The following SORBS2 variants were observed in gnomAD, a reference collection of about 807,000 sequenced individuals.
SORBS2 encodes sorbin and SH3 domain-containing protein 2.
In SORBS2, 46 loss-of-function variants were observed where a neutral mutation model predicts 97.7. The ratio of observed to expected loss-of-function variants is 0.47; its 90% CI spans 0.37 to 0.60. The LOEUF (loss-of-function observed/expected upper bound fraction) is 0.60. Among genes scored for constraint, SORBS2 ranks in the 20% least tolerant of loss-of-function variants. The pLI is 0.00. For missense variants in SORBS2, 1,316 were observed against 1,282.3 expected (o/e 1.03, Z -0.40); for synonymous variants, 476 against 473.4 (o/e 1.01, Z -0.07).
chr4:185,857,917 C>G (rs1199260566), intron 1 of SORBS2, among the ~76,000 whole-genome samples: 1 of 152,176 alleles, frequency 6.6e-6, no homozygotes, highest in Non-Finnish European at 1.5e-5. Context: ...CATGGACCCT[C>G]ATCAGTAATT....
intron 2 of SORBS2, among the ~76,000 whole-genome samples, chr4:185,751,691 T>G (rs2098801434): frequency 1.3e-5 from 2 of 151,848 alleles, no homozygotes; most frequent in African/African-American, 2.4e-5. Flanking sequence ...GGCTAGGGCA[T>G]CAGAGGGGAG....
chr4:185,865,298 C>A (rs544228708), intron 1 of SORBS2, among the ~76,000 whole-genome samples: 1 of 152,130 alleles, frequency 6.6e-6, no homozygotes, highest in Non-Finnish European at 1.5e-5. Context: ...GAACAAGGGG[C>A]GGGAATTTCA....
chr4:185,793,711 T>A (rs1269073369), intron 1 of SORBS2, among the ~76,000 whole-genome samples: 1 of 151,572 alleles, frequency 6.6e-6, no homozygotes, highest in South Asian at 2.1e-4. Flanking sequence ...CTCTGGGGAT[T>A]TTTTTTATTG....
chr4:185,600,056 C>G (rs1205788354), intron 12 of SORBS2, among the ~76,000 whole-genome samples: 2 of 152,246 alleles, frequency 1.3e-5, no homozygotes, highest in Admixed American at 6.5e-5. Context: ...TTACGTCAGC[C>G]TGGAAAATGT....
chr4:185,754,666 A>G (rs1489354794), intron 2 of SORBS2, among the ~76,000 whole-genome samples: 1 of 152,164 alleles, frequency 6.6e-6, no homozygotes, highest in East Asian at 1.9e-4. Context: ...ACAATGGAAA[A>G]TGGAATATCC....
At chr4:185,792,793 C>A (rs577291442) in intron 1 of SORBS2, among the ~76,000 whole-genome samples, 1 of 152,200 alleles carries the variant, frequency 6.6e-6, no homozygotes, top group African/African-American at 2.4e-5. Context: ...AGAAATGTAA[C>A]ATTTTCTTTT....
chr4:185,774,324 C>T (rs1250495951), intron 2 of SORBS2: 1 of 152,040 alleles, frequency 6.6e-6, no homozygotes, highest in Non-Finnish European at 1.5e-5. Context: ...AATTGGGGGT[C>T]CCTCTAGAAG....
At position 185,648,361 on chromosome 4, in the gene SORBS2, G is replaced by A. The variant is rs150692980; in HGVS notation, c.281+1106C>T. 3.8e-3 allele frequency among the ~76,000 whole-genome samples: 576 copies of A among 152,120 alleles called. 8 individuals carry two copies. Among genetic ancestry groups the A allele is most frequent in the African/African-American group, 0.013 (550 of 41,522 alleles). On this transcript the variant is annotated intron_variant, in intron 3 of 14. Coordinates refer to ENST00000418609, the Ensembl canonical transcript of SORBS2. ...GAAACACCATACAAAAATTAGCCGG[G>A]CGTGGTGGCTGGTGCCTGTAATCCC...
intron 1 of SORBS2, among the ~76,000 whole-genome samples, chr4:185,892,987 G>GA (rs201090280): frequency 0.014 from 2,064 of 152,160 alleles, 17 homozygotes; most frequent in Non-Finnish European, 0.022. Flanking sequence ...TTATAGCCTT[G>GA]AAAAAAACAA....
intron 1 of SORBS2, among the ~76,000 whole-genome samples, chr4:185,901,604 A>T (rs982728117): frequency 3.9e-5 from 6 of 152,242 alleles, no homozygotes; most frequent in Non-Finnish European, 8.8e-5. Flanking sequence ...AATCACCCAA[A>T]TACTCATGTC....
At chr4:185,940,218 CAT>C (rs1032895077) in intron 1 of SORBS2, among the ~76,000 whole-genome samples, 1 of 152,160 alleles carries the variant, frequency 6.6e-6, no homozygotes, top group African/African-American at 2.4e-5. Flanking sequence ...AGCTCCCAAA[CAT>C]ATATCTCCAG....
intron 1 of SORBS2, among the ~76,000 whole-genome samples, chr4:185,791,595 G>A (rs952323805): frequency 1.3e-5 from 2 of 151,924 alleles, no homozygotes; most frequent in African/African-American, 4.8e-5. Context: ...TACTCTAAGT[G>A]CCTCGGGTGA....
chr4:185,714,815 C>T (rs916825004), intron 2 of SORBS2, among the ~76,000 whole-genome samples: 1 of 152,194 alleles, frequency 6.6e-6, no homozygotes. Context: ...CCAATTATCT[C>T]CACCTGGCCC....
At chr4:185,643,260 T>C (rs2097156652) in intron 4 of SORBS2, among the ~76,000 whole-genome samples, 1 of 151,944 alleles carries the variant, frequency 6.6e-6, no homozygotes, top group East Asian at 1.9e-4. Context: ...GAAGAGGTGG[T>C]GGGGAGAGCT....
intron 2 of SORBS2, among the ~76,000 whole-genome samples, chr4:185,731,579 C>CCTCTCTCCCTCCCTCCCTGCCTAT (rs2098630075): frequency 2.2e-5 from 2 of 90,116 alleles, no homozygotes; most frequent in African/African-American, 9.5e-5. Context: ...TCTCTCCTTC[C>CCTCTCTCCCTCCCTCCCTGCCTAT]CTCTCTCCCT....
rs76427032 is a variant in SORBS2, at chr4:185,899,762, G to A, written c.-338+56434C>T. Reference sequence around the variant, plus strand: ...TGGGGGAGCCAAGTGTTACAGTAGAGCCCAACGAGTATTATACCTTCAGGC... The same window carrying A: ...TGGGGGAGCCAAGTGTTACAGTAGAACCCAACGAGTATTATACCTTCAGGC... On this transcript the variant is annotated intron_variant, in intron 1 of 20. Transcript: ENST00000284776. Among the ~76,000 whole-genome samples the A allele has an allele frequency of 1.5e-3, 231 of 152,316 alleles. 6 individuals are homozygous for A. In the East Asian group the frequency reaches 0.039, roughly 26 times the overall value.
intron 1 of SORBS2, among the ~76,000 whole-genome samples, chr4:185,826,239 C>T (rs2099199666): frequency 1.3e-5 from 2 of 152,150 alleles, no homozygotes; most frequent in Admixed American, 1.3e-4. Flanking sequence ...ATTTTCTCCA[C>T]AGTTTTTCTT....
chr4:185,847,006 T>A (rs1347971232), intron 1 of SORBS2, among the ~76,000 whole-genome samples: 1 of 152,204 alleles, frequency 6.6e-6, no homozygotes, highest in Non-Finnish European at 1.5e-5. Flanking sequence ...GGGGCCATGC[T>A]CCCTGGGGAT....
At chr4:185,791,567 C>A (rs1301493790) in intron 1 of SORBS2, among the ~76,000 whole-genome samples, 1 of 152,014 alleles carries the variant, frequency 6.6e-6, no homozygotes, top group Non-Finnish European at 1.5e-5. Context: ...GACCTCTTGA[C>A]TTGTTTTTTA....
Sources: allele counts gnomAD v4.1 joint callset (sites outside exome capture counted in the v4.1 genomes callset), GRCh38; gene constraint gnomAD v4.1.1; transcripts MANE v1.5; gene names NCBI Gene and HGNC (gene_info 2026-07-23, HGNC 2026-07-21).